ZNF385D: variants seen among roughly 807,000 people sequenced by gnomAD.
ZNF385D encodes zinc finger protein 385D.
A neutral mutation model predicts 35.8 loss-of-function variants in ZNF385D; 15 were observed. That is an observed-to-expected ratio of 0.42 (90% CI 0.28 to 0.64). The LOEUF (loss-of-function observed/expected upper bound fraction) is 0.64. Ranked by LOEUF, ZNF385D falls within the 30% of genes least tolerant of loss-of-function variation. ZNF385D has a pLI of 0.23. For missense variants in ZNF385D, 474 were observed against 494.6 expected (o/e 0.96, Z 0.39); for synonymous variants, 212 against 186.8 (o/e 1.13, Z -1.10).
intron 2 of ZNF385D, among the ~76,000 whole-genome samples, chr3:22,328,360 C>T (rs953248870): frequency 2.6e-5 from 4 of 151,936 alleles, no homozygotes; most frequent in African/African-American, 4.8e-5. Context: ...AAAAATTTAA[C>T]ATAATTTAAT....
Position 22,036,621 on chromosome 3 carries a change from A to G in ZNF385D, c.325+132196T>C, listed in dbSNP as rs540787691. 3.3e-5 allele frequency among the ~76,000 whole-genome samples: 5 copies of G among 152,258 alleles called. No individual in the cohort carries two copies. In the East Asian group the frequency reaches 7.7e-4, roughly 23 times the overall value. ...TAATCATAAAACAGTTTGGTTGCTT[A>G]CAAATTGCAAAAACAAGCAAAGAGC... is the stretch of plus-strand genomic sequence containing the variant. On this transcript the variant is annotated intron_variant, in intron 3 of 5. Coordinates refer to the ZNF385D transcript ENST00000494108.
Position 21,802,979 on chromosome 3 carries a change from T to C in ZNF385D, c.326-137951A>G, listed in dbSNP as rs76340916. On this transcript the variant is annotated intron_variant, in intron 3 of 5. Coordinates refer to the ZNF385D transcript ENST00000494108. ...GGAGAAGAGAAGAACGAGTGGAAAT[T>C]TGGATAAATTCCAAGTCTCAGGCTG... 2.2e-3 allele frequency among the ~76,000 whole-genome samples: 331 copies of C among 152,188 alleles called. 2 individuals are homozygous for C. The highest frequency in any genetic ancestry group is 7.5e-3 in the African/African-American group (310 of 41,520).
intron 1 of ZNF385D, among the ~76,000 whole-genome samples, chr3:21,691,258 G>A (rs771673662): frequency 6.6e-5 from 10 of 152,138 alleles, no homozygotes; most frequent in East Asian, 3.9e-4. Context: ...ACATAGCCAC[G>A]CTCGCTGGCT....
rs138011518 is a variant in ZNF385D, at chr3:21,924,609, AC to A, written c.325+244207del. ...ATTACAAGCAATCCTTGTCTCCTGTACCCTTTACTCTTCAAGATAGTGTCAG... is the reference window on the plus strand; with the variant it reads ...ATTACAAGCAATCCTTGTCTCCTGTACCTTTACTCTTCAAGATAGTGTCAG... On this transcript the variant is annotated intron_variant, in intron 3 of 5. Transcript: ENST00000494108. Among the ~76,000 whole-genome samples the A allele has an allele frequency of 8.0e-3, 1,210 of 152,182 alleles. 18 individuals are homozygous for A. The highest frequency in any genetic ancestry group is 0.028 in the African/African-American group (1,157 of 41,516).
chr3:22,026,964 T>C (rs1697593706), intron 3 of ZNF385D, among the ~76,000 whole-genome samples: 1 of 152,222 alleles, frequency 6.6e-6, no homozygotes, highest in African/African-American at 2.4e-5. Context: ...GCACCACATG[T>C]GGTTTCATTG....
intron 3 of ZNF385D, among the ~76,000 whole-genome samples, chr3:21,538,064 G>A (rs1421533021): frequency 6.6e-6 from 1 of 152,070 alleles, no homozygotes; most frequent in Non-Finnish European, 1.5e-5. Context: ...TGTGAAATAG[G>A]AGTAAGAATG....
At chr3:21,996,663 T>TA (rs1695485959) in intron 3 of ZNF385D, among the ~76,000 whole-genome samples, 1 of 152,228 alleles carries the variant, frequency 6.6e-6, no homozygotes, top group Non-Finnish European at 1.5e-5. Flanking sequence ...GACTTCAACT[T>TA]ACATACATTT....
chr3:21,523,037 C>G, intron 3 of ZNF385D, among the ~76,000 whole-genome samples: 1 of 152,142 alleles, frequency 6.6e-6, no homozygotes, highest in Admixed American at 6.6e-5. Context: ...TAAGGAGATG[C>G]TGCTATTCTG....
At chr3:21,911,877 T>A (rs1225286309) in intron 3 of ZNF385D, among the ~76,000 whole-genome samples, 4 of 151,952 alleles carry the variant, frequency 2.6e-5, no homozygotes, top group Admixed American at 2.0e-4. Context: ...TCACTTTTGT[T>A]AAATTTCCTA....
chr3:21,909,969 T>G (rs915782315), intron 3 of ZNF385D, among the ~76,000 whole-genome samples: 1 of 151,968 alleles, frequency 6.6e-6, no homozygotes, highest in Admixed American at 6.6e-5. Context: ...CACAAACAAC[T>G]AAAGGTGGCC....
chr3:21,643,809 T>C (rs2065674608), intron 2 of ZNF385D, among the ~76,000 whole-genome samples: 2 of 152,148 alleles, frequency 1.3e-5, no homozygotes, highest in Admixed American at 1.3e-4. Flanking sequence ...CACATGATGC[T>C]AGTGGCTTCC....
At chr3:22,190,755 C>G (rs1033714921) in intron 2 of ZNF385D, among the ~76,000 whole-genome samples, 2 of 152,088 alleles carry the variant, frequency 1.3e-5, no homozygotes, top group East Asian at 3.9e-4. Flanking sequence ...ACAGGAAATA[C>G]TAAGTTCTGT....
intron 3 of ZNF385D, among the ~76,000 whole-genome samples, chr3:21,929,147 G>C (rs1359558434): frequency 1.3e-5 from 2 of 152,086 alleles, no homozygotes; most frequent in African/African-American, 4.8e-5. Flanking sequence ...TGGATATAGT[G>C]TTGGAATGCA....
At chr3:21,824,369 T>C (rs1351013627) in intron 3 of ZNF385D, among the ~76,000 whole-genome samples, 4 of 152,214 alleles carry the variant, frequency 2.6e-5, no homozygotes, top group Admixed American at 6.5e-5. Flanking sequence ...AATACAACTG[T>C]GTAACACTAT....
intron 3 of ZNF385D, among the ~76,000 whole-genome samples, chr3:22,085,055 C>T (rs1261519546): frequency 1.3e-5 from 2 of 152,184 alleles, no homozygotes; most frequent in Non-Finnish European, 1.5e-5. Context: ...ATATCAGAAT[C>T]TCTGCGACAC....
intron 3 of ZNF385D, among the ~76,000 whole-genome samples, chr3:21,785,058 A>G (rs2071632548): frequency 6.6e-6 from 1 of 152,138 alleles, no homozygotes; most frequent in Non-Finnish European, 1.5e-5. Flanking sequence ...CAATCCATGC[A>G]TGCACTTCAC....
chr3:22,282,069 A>G (rs1358110812), intron 2 of ZNF385D, among the ~76,000 whole-genome samples: 2 of 151,810 alleles, frequency 1.3e-5, no homozygotes, highest in Non-Finnish European at 2.9e-5. Flanking sequence ...GATCCCTTGT[A>G]TTTCTGTGTT....
chr3:21,816,971 G>T (rs9819109), intron 3 of ZNF385D, among the ~76,000 whole-genome samples: 3 of 152,044 alleles, frequency 2.0e-5, no homozygotes, highest in Admixed American at 1.3e-4. Context: ...GCATGGTACT[G>T]GTACCAAAAC....
At chr3:22,307,243 A>C (rs77726626) in intron 2 of ZNF385D, among the ~76,000 whole-genome samples, 2,214 of 152,262 alleles carry the variant, frequency 0.015, 35 homozygotes, top group South Asian at 0.051. Flanking sequence ...TTTAATTGGA[A>C]CAGGCAGAAC....
Sources: gnomAD v4.1 joint callset for allele counts (sites outside exome capture counted in the v4.1 genomes callset) on GRCh38, gnomAD v4.1.1 for gene constraint, MANE v1.5 for transcripts, NCBI Gene and HGNC (gene_info 2026-07-23, HGNC 2026-07-21) for gene names.